MOB1B: variants seen among roughly 807,000 people sequenced by gnomAD.
MOB1B encodes MOB1 Mps One Binder homolog B.
Under a neutral mutation model 24.4 loss-of-function variants are expected in MOB1B, and 19 were observed. The observed-to-expected ratio is 0.78, with a 90% CI of 0.54 to 1.14. The LOEUF (loss-of-function observed/expected upper bound fraction) is 1.14, where lower values mean the gene tolerates loss of function less well. Ranked by LOEUF, MOB1B falls within the 50% of genes most tolerant of loss-of-function variation. The pLI is 0.00. For missense variants in MOB1B, 243 were observed against 259.6 expected (o/e 0.94, Z 0.44); for synonymous variants, 76 against 82.1 (o/e 0.93, Z 0.40).
chr4:70,939,289 A>G (rs1201542621), intron 1 of MOB1B, among the ~76,000 whole-genome samples: 2 of 152,218 alleles, frequency 1.3e-5, no homozygotes, highest in African/African-American at 2.4e-5. Context: ...AAGTTTTTTA[A>G]ATCATAATCT....
At chr4:70,975,869 C>A (rs1010481133) in intron 4 of MOB1B, 2 of 851,694 alleles carry the variant, frequency 2.3e-6, no homozygotes, top group South Asian at 5.4e-5. Flanking sequence ...TTAAGGTAAA[C>A]CCTCTATTTT....
intron 4 of MOB1B, chr4:70,976,753 C>CATATATACATATATATATATATATATAT (rs1553939768): frequency 1.1e-5 from 2 of 181,614 alleles, no homozygotes; most frequent in African/African-American, 6.2e-5. Context: ...GACTGAATTA[C>CATATATACATATATATATATATATATAT]ATATATATAT....
At chr4:70,972,456 T>C (rs1738796847) in intron 3 of MOB1B, among the ~76,000 whole-genome samples, 1 of 152,072 alleles carries the variant, frequency 6.6e-6, no homozygotes, top group South Asian at 2.1e-4. Context: ...TCAAGTGATC[T>C]GCCCTCCTTG....
chr4:70,902,212 C>T (rs1027069226), upstream of MOB1B: 1 of 496,954 alleles, frequency 2.0e-6, no homozygotes, highest in Non-Finnish European at 3.6e-6. Context: ...GCCGGAGGGC[C>T]GGGGTGGGCT....
At chr4:70,976,685 A>G (rs1431033271) in intron 4 of MOB1B, 3 of 960,202 alleles carry the variant, frequency 3.1e-6, no homozygotes, top group Non-Finnish European at 2.5e-6. Context: ...TACTTTAAAC[A>G]TATTTATTGA....
At chr4:70,974,818 CA>C (rs1738911717) in intron 3 of MOB1B, among the ~76,000 whole-genome samples, 1 of 152,040 alleles carries the variant, frequency 6.6e-6, no homozygotes, top group African/African-American at 2.4e-5. Context: ...CCATAAAGTC[CA>C]AAAGTAGTCA....
rs1238989924 is a variant in MOB1B at position 70,984,226 on chromosome 4, T to A, written c.*2169T>A. ...CTCAGGTGCCTGCTTAGAGTATTTCTTTAATCACAGTCACTGGGAAGTAAG... is the reference window on the plus strand; with the variant it reads ...CTCAGGTGCCTGCTTAGAGTATTTCATTAATCACAGTCACTGGGAAGTAAG... On this transcript the variant is annotated 3_prime_UTR_variant, in exon 6 of 6. Coordinates refer to ENST00000309395, the MANE Select transcript of MOB1B (RefSeq NM_173468.4). 1 of 152,302 alleles carries A rather than the reference T, an allele frequency of 6.6e-6. No individual in the cohort carries two copies. The highest frequency in any genetic ancestry group is 2.4e-5 in the African/African-American group (1 of 41,464). 9.4% of individuals were successfully genotyped at this position (152,302 alleles called of 1,614,324 possible). A position where few individuals can be genotyped will look rare whatever the true frequency, so the allele number is the denominator to read the frequency against.
chr4:70,961,227 CTCTT>C (rs948455816), intron 2 of MOB1B, among the ~76,000 whole-genome samples: 3 of 152,272 alleles, frequency 2.0e-5, no homozygotes, highest in African/African-American at 7.2e-5. Flanking sequence ...TATAGTCTCT[CTCTT>C]TCAAAATAAT....
At chr4:70,941,162 T>C (rs1043171144) in intron 1 of MOB1B, among the ~76,000 whole-genome samples, 17 of 140,560 alleles carry the variant, frequency 1.2e-4, no homozygotes, top group Non-Finnish European at 1.9e-4. Context: ...CTTTGGCTCT[T>C]TTTTTTTTTT....
chr4:70,970,014 G>A lies in MOB1B; in HGVS notation c.265G>A (p.Ala89Thr). The A allele has an allele frequency of 6.3e-7, 1 of 1,575,094 alleles. No individual in the cohort carries two copies. Among genetic ancestry groups the A allele is most frequent in the South Asian group, 1.2e-5 (1 of 85,130 alleles). The stretch of plus-strand genomic sequence containing the variant: ...AGAAGAGAGTTGTCCAGTGATGTCA[G>A]CTGGCCCAAAGTAAGACATAGTTAA... ...CTEESCPVMS[A>T]GPKYEYHWAD... The change falls in exon 3 of 6, where the codon GCT becomes ACT. Residue 89 changes from alanine (A) to threonine (T), a missense_variant. Transcript: ENST00000309395.
Position 70,950,112 on chromosome 4 carries a change from G to A in MOB1B, c.15-8762G>A, listed in dbSNP as rs1053379525. On this transcript the variant is annotated intron_variant, in intron 1 of 5. Transcript: ENST00000309395. ...TAATTGGGTAGAAGCTAAAGGTAAA[G>A]CATTGAGTAATGTTGGGTAGTGGGT... Among the ~76,000 whole-genome samples the A allele has an allele frequency of 3.6e-4, 55 of 152,104 alleles. 1 individual carries two copies. The highest frequency in any genetic ancestry group is 1.3e-4 in the Admixed American group (2 of 15,256).
chr4:70,972,403 G>A (rs1369642527), intron 3 of MOB1B, among the ~76,000 whole-genome samples: 14 of 151,808 alleles, frequency 9.2e-5, no homozygotes, highest in Admixed American at 3.3e-4. Context: ...TAGTATAGAC[G>A]GGGTTTCATC....
At chr4:70,907,107 C>T (rs1735779385) in intron 1 of MOB1B, among the ~76,000 whole-genome samples, 1 of 152,162 alleles carries the variant, frequency 6.6e-6, no homozygotes, top group Non-Finnish European at 1.5e-5. Flanking sequence ...GTGAATTGTT[C>T]ACTTCCACGT....
Position 70,984,584 on chromosome 4 carries a change from T to C in MOB1B, c.*2527T>C, listed in dbSNP as rs569346713. 1 of 152,300 alleles carries C rather than the reference T, an allele frequency of 6.6e-6. No individual in the cohort carries two copies. Among genetic ancestry groups the C allele is most frequent in the African/African-American group, 2.4e-5 (1 of 41,566 alleles). 9.4% of individuals were successfully genotyped at this position (152,300 alleles called of 1,614,324 possible). ...TACGTAGCTATAAAGCAACAGTTGG[T>C]TTTCTTATCCTTTGATAAAAGCATC... is the stretch of plus-strand genomic sequence containing the variant. On this transcript the variant is annotated 3_prime_UTR_variant, in exon 6 of 6. Transcript: ENST00000309395.
At chr4:70,968,155 T>C (rs538443656) in intron 2 of MOB1B, among the ~76,000 whole-genome samples, 3 of 152,206 alleles carry the variant, frequency 2.0e-5, no homozygotes, top group Non-Finnish European at 2.9e-5. Context: ...CGGCCTATGC[T>C]CTTTTTAAGA....
At chr4:70,926,041 G>A (rs534898143) in intron 1 of MOB1B, among the ~76,000 whole-genome samples, 2 of 152,294 alleles carry the variant, frequency 1.3e-5, no homozygotes, top group Non-Finnish European at 2.9e-5. Flanking sequence ...AAGCTGGAAT[G>A]CAGTGGTATC....
chr4:70,974,195 G>T (rs1240289632), intron 3 of MOB1B, among the ~76,000 whole-genome samples: 1 of 151,634 alleles, frequency 6.6e-6, no homozygotes, highest in African/African-American at 2.4e-5. Flanking sequence ...GTCTCACTCT[G>T]TTGCTCAGGC....
chr4:70,954,683 T>C (rs1214604429), intron 1 of MOB1B, among the ~76,000 whole-genome samples: 1 of 152,080 alleles, frequency 6.6e-6, no homozygotes, highest in Non-Finnish European at 1.5e-5. Context: ...CTCCATCTCC[T>C]GACCTCATGA....
chr4:70,925,100 A>G lies in MOB1B; in HGVS notation c.14+22550A>G, dbSNP rs545425408. Reference sequence around the variant, plus strand: ...GCTCTGTAACTCAGGCCAGAGTGCAATGGCGCAATCTGGGCTCACTGCAAC... The same window carrying G: ...GCTCTGTAACTCAGGCCAGAGTGCAGTGGCGCAATCTGGGCTCACTGCAAC... On this transcript the variant is annotated intron_variant, in intron 1 of 5. Transcript: ENST00000309395. Among the ~76,000 whole-genome samples, 4 of 152,068 alleles carry G rather than the reference A, an allele frequency of 2.6e-5. 1 individual carries two copies. Among genetic ancestry groups the G allele is most frequent in the South Asian group, 4.2e-4 (2 of 4,814 alleles).
Sources: gnomAD v4.1 joint callset for allele counts (sites outside exome capture counted in the v4.1 genomes callset) on GRCh38, gnomAD v4.1.1 for gene constraint, MANE v1.5 for transcripts, NCBI Gene and HGNC (gene_info 2026-07-23, HGNC 2026-07-21) for gene names.